HELB: variants seen among roughly 807,000 people sequenced by gnomAD.
HELB encodes DNA helicase B, also known as DNA 5'-3' helicase B.
A neutral mutation model predicts 101.7 loss-of-function variants in HELB; 96 were observed. The observed-to-expected ratio is 0.94, with a 90% CI of 0.80 to 1.12. HELB has a LOEUF of 1.12. Among genes scored for constraint, HELB ranks in the 50% most tolerant of loss-of-function variants. The pLI is 0.00. For synonymous variants in HELB, 437 were observed against 459.7 expected (o/e 0.95, Z 0.63); for missense variants, 1,210 against 1,291.9 (o/e 0.94, Z 0.97).
intron 6 of HELB, among the ~76,000 whole-genome samples, 169 bp downstream of exon 6, chr12:66,315,552 T>C (rs1022693809): frequency 6.6e-6 from 1 of 152,194 alleles, no homozygotes; most frequent in Non-Finnish European, 1.5e-5. Context: ...GCAAAGTTAA[T>C]GTTTTTCATT....
intron 11 of HELB, among the ~76,000 whole-genome samples, chr12:66,330,135 T>C (rs1413324614): frequency 2.0e-5 from 3 of 152,220 alleles, no homozygotes; most frequent in South Asian, 2.1e-4. Context: ...GGGGAGATAA[T>C]GGTACAAACC....
Position 66,331,358 on chromosome 12 carries a change from G to A in HELB, c.2875G>A (p.Gly959Ser), listed in dbSNP as rs146761912. The change falls in exon 12 of 13, where the codon GGC (glycine) becomes AGC (serine). Residue 959 changes from glycine (G) to serine (S), a missense_variant. Transcript: ENST00000247815. Reference sequence around the variant, plus strand: ...CTTGCAAAGTAAGCTCTCCTCTAGCGGCGCACCTCCAGCAGATTTTCCGTC... The same window carrying A: ...CTTGCAAAGTAAGCTCTCCTCTAGCAGCGCACCTCCAGCAGATTTTCCGTC... ...HFLQSKLSSS[G>S]APPADFPSPR... The A allele has an allele frequency of 3.4e-3, 5,486 of 1,614,120 alleles. 13 individuals carry two copies. Among genetic ancestry groups the A allele is most frequent in the Non-Finnish European group, 4.3e-3 (5,047 of 1,179,994 alleles).
intron 13 of HELB, chr12:66,343,306 G>C (rs1330993072): frequency 6.6e-6 from 1 of 152,268 alleles, no homozygotes; most frequent in Non-Finnish European, 1.5e-5. Flanking sequence ...AGACAGGCTG[G>C]AGTGCAGTGG....
At chr12:66,304,364 A>G (rs2118138) in intron 1 of HELB, among the ~76,000 whole-genome samples, 78,393 of 152,084 alleles carry the variant, frequency 0.52, 20,706 homozygotes, top group Middle Eastern at 0.65. Flanking sequence ...GGCAGATGGA[A>G]TAACTTGAGT....
Position 66,338,011 on chromosome 12 carries a change from C to G in HELB, c.3173C>G (p.Ser1058Cys). ...SPSKIFMVGESPQVSSRLQNL... is the reference protein window; with the variant it reads ...SPSKIFMVGECPQVSSRLQNL... ...TAATTGTTCTAACAGGTGGGAGAATCTCCACAAGTGTCTTCCAGACTTCAG... is the reference window on the plus strand; with the variant it reads ...TAATTGTTCTAACAGGTGGGAGAATGTCCACAAGTGTCTTCCAGACTTCAG... The change falls in exon 13 of 13, where the codon TCT becomes TGT. Residue 1058 changes from serine (S) to cysteine (C), a missense_variant. Transcript: ENST00000247815. 1 of 1,585,822 alleles carries G rather than the reference C, an allele frequency of 6.3e-7. No individual in the cohort carries two copies. The highest frequency in any genetic ancestry group is 8.6e-7 in the Non-Finnish European group (1 of 1,156,616).
At position 66,305,159 on chromosome 12, in the gene HELB, G is replaced by T; in HGVS notation, c.607+9G>T. On this transcript the variant is annotated intron_variant, in intron 2 of 12. Transcript: ENST00000247815. ...TCCTCTGGAAAACACAAGTAAGTGT[G>T]ATTTTTATCATCAACTTTCAGTGTA... 2 of 1,487,954 alleles carry T rather than the reference G, an allele frequency of 1.3e-6. No individual in the cohort carries two copies. The highest frequency in any genetic ancestry group is 1.3e-5 in the South Asian group (1 of 77,672). The allele number at this position is 1,487,954 out of a possible 1,614,324, so 92.2% of individuals were successfully genotyped here. A position where few individuals can be genotyped will look rare whatever the true frequency, so the allele number is the denominator to read the frequency against.
At position 66,324,142 on chromosome 12, in the gene HELB, T is replaced by C; in HGVS notation, c.2457T>C (p.Phe819=). Residue 819 remains phenylalanine (F), a synonymous_variant, in exon 10 of 13, where the codon TTT becomes TTC. Coordinates refer to ENST00000247815, the MANE Select transcript of HELB (RefSeq NM_001370285.1). ...SEDFSGTLPD[F]AKNKRDFESN... is the part of the protein sequence containing the mutation. ...ACTTTTCTGGTACGCTTCCTGATTT[T>C]GCTAAAAATAAGCGTGACTTTGAAA... The C allele has an allele frequency of 6.2e-7, 1 of 1,613,998 alleles. No homozygotes were observed. Among genetic ancestry groups the C allele is most frequent in the Non-Finnish European group, 8.5e-7 (1 of 1,179,942 alleles).
intron 4 of HELB, 87 bp downstream of exon 4, chr12:66,310,695 G>A: frequency 8.3e-7 from 1 of 1,202,626 alleles, no homozygotes; most frequent in Non-Finnish European, 1.2e-6. Flanking sequence ...ACTTTTGGGA[G>A]ACTGAGGCGG....
intron 3 of HELB, among the ~76,000 whole-genome samples, chr12:66,306,911 C>T (rs2053483478): frequency 6.6e-6 from 1 of 152,176 alleles, no homozygotes; most frequent in African/African-American, 2.4e-5. Flanking sequence ...AACTCAATTT[C>T]CCACTTCCAG....
In HELB at chr12:66,315,379, A is replaced by G. The variant is rs141108737; in HGVS notation, c.1996A>G (p.Thr666Ala). ...ATCTCAGCTCATTGTGGACAATGCT[A>G]CAAGGTATAATATTACTAAGAGTTT... ...AESQLIVDNA[T>A]RISRRQFPKF... Residue 666 changes from threonine to alanine, a missense_variant, in exon 6 of 13, where the codon ACA (threonine) becomes GCA (alanine). Thr to Ala is a moderately conservative substitution (Grantham distance 58, BLOSUM62 0). Coordinates refer to ENST00000247815, the MANE Select transcript of HELB (RefSeq NM_001370285.1). 1.1e-5 allele frequency: 18 copies of G among 1,582,060 alleles called. No individual in the cohort carries two copies. Among genetic ancestry groups the G allele is most frequent in the South Asian group, 8.2e-5 (7 of 84,978 alleles).
At chr12:66,329,486 G>A (rs2053780390) in intron 11 of HELB, among the ~76,000 whole-genome samples, 2 of 152,144 alleles carry the variant, frequency 1.3e-5, no homozygotes, top group Non-Finnish European at 2.9e-5. Context: ...CCCTTGTGCT[G>A]GGTGGAGCAT....
At chr12:66,326,502 A>G (rs2053739292) in intron 11 of HELB, among the ~76,000 whole-genome samples, 1 of 151,690 alleles carries the variant, frequency 6.6e-6, no homozygotes, top group Non-Finnish European at 1.5e-5. Context: ...CGGCCTCCCA[A>G]AGTGCTGGGA....
At chr12:66,328,334 G>A (rs1199916415) in intron 11 of HELB, among the ~76,000 whole-genome samples, 1 of 152,134 alleles carries the variant, frequency 6.6e-6, no homozygotes, top group Non-Finnish European at 1.5e-5. Flanking sequence ...GGCTGAGGTG[G>A]GCAGGTCAAT....
chr12:66,335,975 G>C (rs2053862431), intron 12 of HELB, among the ~76,000 whole-genome samples: 1 of 152,132 alleles, frequency 6.6e-6, no homozygotes, highest in South Asian at 2.1e-4. Flanking sequence ...TACTGCACCT[G>C]TAGTAACCTT....
chr12:66,314,275 C>G, intron 5 of HELB, 112 bp downstream of exon 5: 1 of 923,626 alleles, frequency 1.1e-6, no homozygotes, highest in Admixed American at 2.3e-5. Flanking sequence ...CAAAGCTACA[C>G]GAAGATACCA....
chr12:66,303,453 AAAC>A (rs571564693), intron 1 of HELB, among the ~76,000 whole-genome samples: 24 of 151,872 alleles, frequency 1.6e-4, no homozygotes, highest in African/African-American at 5.6e-4. Context: ...GTCTCTAGTA[AAAC>A]AACAACAACA....
At chr12:66,326,744 A>T (rs984554818) in intron 11 of HELB, among the ~76,000 whole-genome samples, 1 of 151,134 alleles carries the variant, frequency 6.6e-6, no homozygotes, top group African/African-American at 2.4e-5. Context: ...TTTAAAGGTA[A>T]AAAAGGGTCT....
intron 9 of HELB, among the ~76,000 whole-genome samples, chr12:66,323,623 A>G (rs1420800073): frequency 6.6e-6 from 1 of 152,220 alleles, no homozygotes; most frequent in East Asian, 1.9e-4. Flanking sequence ...AAATAAGGTA[A>G]TGATAAGAGA....
At chr12:66,303,668 CG>C (rs2136983555) in intron 1 of HELB, among the ~76,000 whole-genome samples, 1 of 152,188 alleles carries the variant, frequency 6.6e-6, no homozygotes, top group East Asian at 1.9e-4. Context: ...AAAAGAAAAA[CG>C]AAACACAAGG....
Sources: allele counts gnomAD v4.1 joint callset (sites outside exome capture counted in the v4.1 genomes callset), GRCh38; gene constraint gnomAD v4.1.1; transcripts MANE v1.5; gene names NCBI Gene and HGNC (gene_info 2026-07-23, HGNC 2026-07-21).